Variants in GTF2A1 observed in about 807,000 individuals in gnomAD.
The protein encoded by GTF2A1 is transcription initiation factor IIA subunit 1.
A neutral mutation model predicts 54.1 loss-of-function variants in GTF2A1; 12 were observed. That is an observed-to-expected ratio of 0.22 (90% CI 0.14 to 0.36). GTF2A1 has a LOEUF of 0.36. Among genes scored for constraint, GTF2A1 ranks in the 10% least tolerant of loss-of-function variants. GTF2A1 has a pLI of 1.00. For synonymous variants in GTF2A1, 145 were observed against 152.0 expected (o/e 0.95, Z 0.34); for missense variants, 335 against 442.2 (o/e 0.76, Z 2.17).
chr14:81,188,449 C>T (rs1430061052), intron 7 of GTF2A1, among the ~76,000 whole-genome samples: 1 of 152,004 alleles, frequency 6.6e-6, no homozygotes, highest in Non-Finnish European at 1.5e-5. Flanking sequence ...TCTTTGATTG[C>T]TTGTACTCTG....
At chr14:81,199,187 C>T (rs1197279517) in intron 4 of GTF2A1, among the ~76,000 whole-genome samples, 1 of 152,194 alleles carries the variant, frequency 6.6e-6, no homozygotes, top group Non-Finnish European at 1.5e-5. Flanking sequence ...GCAATTCTCC[C>T]TCTACCAGCA....
intron 7 of GTF2A1, among the ~76,000 whole-genome samples, chr14:81,189,746 T>C (rs1410649231): frequency 1.3e-5 from 2 of 151,744 alleles, no homozygotes; most frequent in Admixed American, 1.3e-4. Flanking sequence ...ACTGACAATA[T>C]AAATCTAACA....
At chr14:81,201,121 T>C (rs1595220356) in intron 4 of GTF2A1, among the ~76,000 whole-genome samples, 2 of 152,340 alleles carry the variant, frequency 1.3e-5, no homozygotes, top group Admixed American at 1.3e-4. Context: ...TGTGGTAATT[T>C]ACACACTATA....
intron 7 of GTF2A1, among the ~76,000 whole-genome samples, chr14:81,191,684 G>GA (rs1329768035): frequency 6.6e-6 from 1 of 151,984 alleles, no homozygotes; most frequent in African/African-American, 2.4e-5. Flanking sequence ...GTACTTTGAT[G>GA]GCCTAGGAAT....
At chr14:81,207,258 G>A (rs1595225566) in intron 2 of GTF2A1, among the ~76,000 whole-genome samples, 1 of 152,136 alleles carries the variant, frequency 6.6e-6, no homozygotes, top group East Asian at 1.9e-4. Flanking sequence ...ATTCCCATGT[G>A]CTGTGGAAGG....
At chr14:81,199,021 C>T (rs1893048437) in intron 4 of GTF2A1, among the ~76,000 whole-genome samples, 1 of 151,734 alleles carries the variant, frequency 6.6e-6, no homozygotes, top group Admixed American at 6.6e-5. Context: ...ACTCAATTAC[C>T]CAATTTAAAA....
chr14:81,205,298 C>T (rs1021069034), intron 2 of GTF2A1, among the ~76,000 whole-genome samples: 2 of 152,112 alleles, frequency 1.3e-5, no homozygotes, highest in African/African-American at 4.8e-5. Flanking sequence ...CTGACCCTTC[C>T]AATCATTCCA....
At chr14:81,215,535 G>A (rs1030611796) in intron 2 of GTF2A1, among the ~76,000 whole-genome samples, 2 of 151,988 alleles carry the variant, frequency 1.3e-5, no homozygotes, top group African/African-American at 4.8e-5. Context: ...TACAATGCAA[G>A]GAAAACACAA....
chr14:81,212,438 A>C (rs1893392715), intron 2 of GTF2A1, among the ~76,000 whole-genome samples: 1 of 152,206 alleles, frequency 6.6e-6, no homozygotes, highest in Non-Finnish European at 1.5e-5. Flanking sequence ...TTTACACATT[A>C]AAGTAGGCCT....
intron 8 of GTF2A1, among the ~76,000 whole-genome samples, chr14:81,180,621 G>C (rs1479232837): frequency 6.6e-6 from 1 of 151,886 alleles, no homozygotes; most frequent in Non-Finnish European, 1.5e-5. Context: ...TCTTAATAAA[G>C]TTTAATTTCA....
rs565470181 is a variant in GTF2A1, at chr14:81,179,946, G to T, written c.*277C>A. ...GACAAAGCTTTACATGCTAATTACCGGTGGCAGGTACCTGTATTTAAAATC... is the reference window on the plus strand; with the variant it reads ...GACAAAGCTTTACATGCTAATTACCTGTGGCAGGTACCTGTATTTAAAATC... On this transcript the variant is annotated 3_prime_UTR_variant, in exon 9 of 9. Transcript: ENST00000553612. The T allele has an allele frequency of 4.6e-6, 1 of 217,542 alleles. No individual in the cohort carries two copies. Among genetic ancestry groups the T allele is most frequent in the East Asian group, 9.3e-5 (1 of 10,722 alleles). 13.5% of individuals were successfully genotyped at this position (217,542 alleles called of 1,614,324 possible). A position where few individuals can be genotyped will look rare whatever the true frequency, so the allele number is the denominator to read the frequency against.
intron 1 of GTF2A1, among the ~76,000 whole-genome samples, chr14:81,220,149 G>A (rs529321971): frequency 6.6e-6 from 1 of 150,940 alleles, no homozygotes; most frequent in Non-Finnish European, 1.5e-5. Context: ...GGGGGAAGCG[G>A]CGGCTCCCCT....
intron 2 of GTF2A1, among the ~76,000 whole-genome samples, chr14:81,211,908 T>TATATATATATATA (rs987020246): frequency 2.2e-5 from 3 of 138,570 alleles, no homozygotes; most frequent in Non-Finnish European, 4.6e-5. Context: ...TATATATATA[T>TATATATATATATA]AACTAGAGTA....
rs148132326 is a variant in GTF2A1, at chr14:81,189,414, A to G, written c.933+3105T>C. On this transcript the variant is annotated intron_variant, in intron 7 of 8. Coordinates refer to ENST00000553612, the MANE Select transcript of GTF2A1 (RefSeq NM_015859.4). ...TGGCCAGGCGCGGTGGCTCATGCCT[A>G]TAATCCCAGCACTTTGGGAGGCCAA... 3.1e-3 allele frequency among the ~76,000 whole-genome samples: 465 copies of G among 152,254 alleles called. 4 individuals are homozygous for G. Among genetic ancestry groups the G allele is most frequent in the African/African-American group, 9.2e-3 (383 of 41,538 alleles).
Position 81,176,951 on chromosome 14 carries a change from G to A in GTF2A1, c.*3272C>T, listed in dbSNP as rs1360212348. 1 of 151,798 alleles carries A rather than the reference G, an allele frequency of 6.6e-6. No homozygotes were observed. The highest frequency in any genetic ancestry group is 1.9e-4 in the East Asian group (1 of 5,178). The allele number at this position is 151,798 out of a possible 1,614,324, so 9.4% of individuals were successfully genotyped here. ...ATTATGTCTGTTTTCCTATACAAGG[G>A]GTATTTACCCTCTGATAAGAATGGT... is the stretch of plus-strand genomic sequence containing the variant. On this transcript the variant is annotated 3_prime_UTR_variant, in exon 9 of 9. Coordinates refer to ENST00000553612, the MANE Select transcript of GTF2A1 (RefSeq NM_015859.4).
chr14:81,198,359 G>A (rs1893033868), intron 4 of GTF2A1, among the ~76,000 whole-genome samples: 2 of 152,124 alleles, frequency 1.3e-5, no homozygotes, highest in African/African-American at 4.8e-5. Context: ...GTGGGAGGAT[G>A]GCTTGAACCT....
chr14:81,187,770 T>C (rs1892782002), intron 7 of GTF2A1, among the ~76,000 whole-genome samples: 1 of 152,198 alleles, frequency 6.6e-6, no homozygotes, highest in South Asian at 2.1e-4. Context: ...ATATCATAAA[T>C]AGGGCTGCTA....
chr14:81,206,732 A>G (rs1893239673), intron 2 of GTF2A1, among the ~76,000 whole-genome samples: 1 of 152,178 alleles, frequency 6.6e-6, no homozygotes, highest in African/African-American at 2.4e-5. Context: ...CTAGTGATTC[A>G]TAGTCAATTT....
chr14:81,198,621 C>T (rs1018172166), intron 4 of GTF2A1, among the ~76,000 whole-genome samples: 3 of 152,150 alleles, frequency 2.0e-5, no homozygotes, highest in African/African-American at 4.8e-5. Context: ...TTATTCTGCA[C>T]TTTAAGTATT....
Sources: gnomAD v4.1 joint callset for allele counts (sites outside exome capture counted in the v4.1 genomes callset) on GRCh38, gnomAD v4.1.1 for gene constraint, MANE v1.5 for transcripts, NCBI Gene and HGNC (gene_info 2026-07-23, HGNC 2026-07-21) for gene names.